The following SLC6A9 variants were observed in gnomAD, a reference collection of about 807,000 sequenced individuals.
SLC6A9 encodes the protein sodium- and chloride-dependent glycine transporter 1.
In SLC6A9, 31 loss-of-function variants were observed where a neutral mutation model predicts 70.9. The ratio of observed to expected loss-of-function variants is 0.44; its 90% confidence interval spans 0.33 to 0.59. SLC6A9 has a LOEUF of 0.59. Among genes scored for constraint, SLC6A9 ranks in the 20% least tolerant of loss-of-function variants. The probability of loss-of-function intolerance (pLI) is 0.04; values close to 1 mark genes in which losing one functional copy is unlikely to be tolerated. For missense variants in SLC6A9, 631 were observed against 845.2 expected (o/e 0.75, Z 3.14); for synonymous variants, 310 against 341.3 (o/e 0.91, Z 1.01).
intron 5 of SLC6A9, among the ~76,000 whole-genome samples, chr1:44,005,281 G>A (rs1184376817): frequency 6.6e-6 from 1 of 152,180 alleles, no homozygotes; most frequent in East Asian, 1.9e-4. Flanking sequence ...GACCAGCACA[G>A]GGGACTGGAA....
At chr1:44,016,943 C>G in intron 2 of SLC6A9, 2 of 1,189,360 alleles carry the variant, frequency 1.7e-6, no homozygotes, top group Non-Finnish European at 2.3e-6. Context: ...CTGTGCCTGC[C>G]CCTCCCTGGC....
chr1:44,027,648 G>A (rs2087006000), intron 1 of SLC6A9, among the ~76,000 whole-genome samples: 1 of 152,186 alleles, frequency 6.6e-6, no homozygotes, highest in Admixed American at 6.5e-5. Flanking sequence ...CAGACTAAGG[G>A]GCAAGAGTTA....
chr1:44,007,825 C>T (rs1439702649), intron 5 of SLC6A9, among the ~76,000 whole-genome samples: 1 of 152,052 alleles, frequency 6.6e-6, no homozygotes, highest in Non-Finnish European at 1.5e-5. Context: ...GGATTTCTGA[C>T]GGCCTTCCTC....
At chr1:44,017,932 C>T (rs1308997688) in intron 2 of SLC6A9, among the ~76,000 whole-genome samples, 2 of 152,188 alleles carry the variant, frequency 1.3e-5, no homozygotes, top group East Asian at 3.8e-4. Context: ...GTGGCGTGGG[C>T]TGGTAGGTCC....
In SLC6A9 at chr1:44,024,281, G is replaced by A. The variant is rs201127652; in HGVS notation, c.-4C>T. ...CTTTGGCACCTTTTCCTACCATGGC[G>A]GCGGTGGGTTGGGGCTCTGGTGACG... On this transcript the variant is annotated 5_prime_UTR_variant, in exon 2 of 14. Coordinates refer to ENST00000372310, the MANE Select transcript of SLC6A9 (RefSeq NM_001024845.3). 384 of 1,614,210 alleles carry A rather than the reference G, an allele frequency of 2.4e-4. No individual in the cohort carries two copies. In the African/African-American group the frequency reaches 4.0e-3, roughly 17 times the overall value.
At chr1:44,017,388 C>T (rs1333804863) in intron 2 of SLC6A9, 1 of 1,210,564 alleles carries the variant, frequency 8.3e-7, no homozygotes, top group Non-Finnish European at 1.0e-6. Flanking sequence ...CACACACACA[C>T]ACACACACAC....
At chr1:44,011,123 C>T (rs1478781348) in intron 2 of SLC6A9, among the ~76,000 whole-genome samples, 1 of 152,206 alleles carries the variant, frequency 6.6e-6, no homozygotes, top group African/African-American at 2.4e-5. Flanking sequence ...GGTGCACAGC[C>T]CACCTGAGGA....
intron 2 of SLC6A9, among the ~76,000 whole-genome samples, chr1:44,021,899 A>C (rs1263892728): frequency 6.6e-6 from 1 of 152,250 alleles, no homozygotes; most frequent in Non-Finnish European, 1.5e-5. Context: ...ACTGGAACCC[A>C]AGAATAGAGT....
intron 4 of SLC6A9, 86 bp from the exon 5 acceptor site, chr1:44,008,709 TC>T: frequency 6.3e-6 from 7 of 1,103,034 alleles, no homozygotes; most frequent in Non-Finnish European, 8.9e-6. Flanking sequence ...TCTTTTCTTT[TC>T]TTTTTTTTTT....
Position 44,010,894 on chromosome 1 carries a change from G to C in SLC6A9, c.31-12C>G. ...GGCACAGCACCATTCTGTGGGGACA[G>C]GAGAGAAGCTACCATCAGCAAGGCA... On this transcript the variant is annotated splice_polypyrimidine_tract_variant and intron_variant, in intron 2 of 13. Transcript: ENST00000372310. 6.2e-7 allele frequency: 1 copy of C among 1,613,976 alleles called. No homozygotes were observed. The highest frequency in any genetic ancestry group is 8.5e-7 in the Non-Finnish European group (1 of 1,179,888).
intron 2 of SLC6A9, chr1:44,017,243 A>T: frequency 6.6e-7 from 1 of 1,511,036 alleles, no homozygotes; most frequent in Non-Finnish European, 8.8e-7. Context: ...AGCTCTGCCT[A>T]CCCGCTCCCC....
chr1:44,026,657 T>TA (rs1299068646), intron 1 of SLC6A9, among the ~76,000 whole-genome samples: 97 of 130,776 alleles, frequency 7.4e-4, no homozygotes, highest in South Asian at 1.7e-3. Flanking sequence ...AGACATTGTC[T>TA]AAAAAAAAAA....
chr1:44,007,783 TC>T (rs995598125), intron 5 of SLC6A9, among the ~76,000 whole-genome samples: 1 of 152,030 alleles, frequency 6.6e-6, no homozygotes, highest in African/African-American at 2.4e-5. Flanking sequence ...TGCCCCCCTT[TC>T]CCCTGAGTCT....
At chr1:44,008,259 G>C in intron 5 of SLC6A9, 94 bp downstream of exon 5, 8 of 1,293,606 alleles carry the variant, frequency 6.2e-6, no homozygotes, top group Non-Finnish European at 7.8e-6. Flanking sequence ...GGCTGAACCT[G>C]CAGCAGGCAC....
chr1:44,009,109 C>T (rs1476130053), intron 4 of SLC6A9, among the ~76,000 whole-genome samples: 1 of 150,242 alleles, frequency 6.7e-6, no homozygotes, highest in East Asian at 1.9e-4. Context: ...TCACTGCAAC[C>T]TCCGCCTCCC....
chr1:44,014,905 A>G (rs2154306602), intron 2 of SLC6A9: 1 of 152,014 alleles, frequency 6.6e-6, no homozygotes, highest in African/African-American at 2.4e-5. Flanking sequence ...TGCGTTCAGG[A>G]TGGTATGGCC....
rs571108267 is a variant in SLC6A9, at chr1:44,001,555, G to T, written c.1035C>A (p.Leu345=). The T allele has an allele frequency of 6.2e-7, 1 of 1,614,270 alleles. No homozygotes were observed. The highest frequency in any genetic ancestry group is 8.5e-7 in the Non-Finnish European group (1 of 1,180,044). ...CGCCCAGGTGATTGGCCATGAAGCC[G>T]AGGATGGAGAAGATGACGAAGCCAG... ...VYAGFVIFSI[L]GFMANHLGVD... Residue 345 remains leucine, a synonymous_variant, in exon 9 of 14, where the codon CTC becomes CTA. Coordinates refer to ENST00000372310, the MANE Select transcript of SLC6A9 (RefSeq NM_001024845.3).
intron 1 of SLC6A9, among the ~76,000 whole-genome samples, chr1:44,030,177 C>T (rs1475188095): frequency 3.3e-5 from 5 of 152,236 alleles, no homozygotes; most frequent in Non-Finnish European, 7.4e-5. Context: ...CTGGGAGCAG[C>T]GGCACCGCCC....
chr1:44,011,175 C>A (rs1352905939), intron 2 of SLC6A9, among the ~76,000 whole-genome samples: 1 of 152,194 alleles, frequency 6.6e-6, no homozygotes, highest in Non-Finnish European at 1.5e-5. Flanking sequence ...GAAGAGGGAG[C>A]TAGGGCCAGG....
Sources: gnomAD v4.1 joint callset for allele counts (sites outside exome capture counted in the v4.1 genomes callset) on GRCh38, gnomAD v4.1.1 for gene constraint, MANE v1.5 for transcripts, NCBI Gene and HGNC (gene_info 2026-07-23, HGNC 2026-07-21) for gene names.